The following FNDC3A variants were observed in gnomAD, a reference collection of about 807,000 sequenced individuals.
The protein encoded by FNDC3A is fibronectin type III domain containing 3A.
In FNDC3A, 32 loss-of-function variants were observed where a neutral mutation model predicts 148.9. The ratio of observed to expected loss-of-function variants is 0.21; its 90% CI spans 0.16 to 0.29. The LOEUF (loss-of-function observed/expected upper bound fraction) is 0.29, where lower values mean the gene tolerates loss of function less well. Among genes scored for constraint, FNDC3A ranks in the 10% least tolerant of loss-of-function variants. The pLI, the probability that FNDC3A is intolerant of heterozygous loss-of-function variation, is 1.00. For missense variants in FNDC3A, 1,191 were observed against 1,452.8 expected (o/e 0.82, Z 2.93); for synonymous variants, 472 against 473.6 (o/e 1.00, Z 0.04).
At chr13:49,031,096 C>T (rs1371490635) in intron 2 of FNDC3A, among the ~76,000 whole-genome samples, 2 of 152,160 alleles carry the variant, frequency 1.3e-5, no homozygotes, top group Non-Finnish European at 1.5e-5. Flanking sequence ...CATTTTAAAA[C>T]TTACTGCAGA....
intron 1 of FNDC3A, among the ~76,000 whole-genome samples, chr13:48,986,681 C>T (rs1292521148): frequency 6.6e-6 from 1 of 151,952 alleles, no homozygotes; most frequent in Admixed American, 6.6e-5. Context: ...CAGGCGTGAG[C>T]CACTGCGCCT....
intron 1 of FNDC3A, among the ~76,000 whole-genome samples, chr13:48,982,813 A>T (rs749342190): frequency 5.3e-5 from 8 of 152,288 alleles, no homozygotes; most frequent in Non-Finnish European, 1.0e-4. Flanking sequence ...GACTTCTCAT[A>T]CTGGCTGTAT....
chr13:49,088,612 C>T (rs1017620804), intron 3 of FNDC3A, among the ~76,000 whole-genome samples: 1 of 152,180 alleles, frequency 6.6e-6, no homozygotes, highest in East Asian at 1.9e-4. Flanking sequence ...GTATATTTAA[C>T]CCAGTGTATT....
rs551337704 is a variant in FNDC3A, at chr13:49,138,743, T to C, written c.761-4T>C. ...TAAATATTCAAATGTTTTATTTTTT[T>C]AAGAAAAAGATGAAGAAACTAAAGC... On this transcript the variant is annotated splice_region_variant and splice_polypyrimidine_tract_variant and intron_variant, in intron 6 of 25. Coordinates refer to ENST00000492622, the MANE Select transcript of FNDC3A (RefSeq NM_001079673.2). The C allele has an allele frequency of 5.7e-6, 8 of 1,409,614 alleles. No individual in the cohort carries two copies. The South Asian group carries it at 9.3e-5, about 16-fold the overall frequency. 87.3% of individuals were successfully genotyped at this position (1,409,614 alleles called of 1,614,324 possible).
At chr13:49,133,524 G>T (rs1189028405) in intron 5 of FNDC3A, among the ~76,000 whole-genome samples, 1 of 152,134 alleles carries the variant, frequency 6.6e-6, no homozygotes, top group African/African-American at 2.4e-5. Flanking sequence ...ATAAGCCAGA[G>T]ATTCTACCAC....
At chr13:49,069,315 A>G (rs1877486299) in intron 2 of FNDC3A, among the ~76,000 whole-genome samples, 1 of 152,146 alleles carries the variant, frequency 6.6e-6, no homozygotes, top group Non-Finnish European at 1.5e-5. Flanking sequence ...CTGTGGCACT[A>G]CCCTGCTTAA....
chr13:49,102,199 C>G (rs1879905298), intron 3 of FNDC3A, among the ~76,000 whole-genome samples: 1 of 151,516 alleles, frequency 6.6e-6, no homozygotes, highest in Non-Finnish European at 1.5e-5. Context: ...TTAATTTTCC[C>G]TTTTCTTCAA....
rs1044120591 is a variant in FNDC3A, at chr13:49,137,882, T to TA, written c.761-864dup. Among the ~76,000 whole-genome samples the TA allele has an allele frequency of 3.3e-5, 5 of 152,318 alleles. No homozygotes were observed. In the East Asian group the frequency reaches 7.7e-4, roughly 23 times the overall value. ...TGACGTAGATATGCGTATGTAGAAA[T>TA]ACATAGATATGCATGGTAGACCATG... is the stretch of plus-strand genomic sequence containing the variant. On this transcript the variant is annotated intron_variant, in intron 6 of 25. Coordinates refer to ENST00000492622, the MANE Select transcript of FNDC3A (RefSeq NM_001079673.2).
intron 2 of FNDC3A, among the ~76,000 whole-genome samples, chr13:49,043,126 T>G (rs994267505): frequency 1.1e-4 from 17 of 151,328 alleles, no homozygotes; most frequent in Non-Finnish European, 2.1e-4. Context: ...CAGCCAGTTT[T>G]TTTTTTTTTT....
intron 2 of FNDC3A, among the ~76,000 whole-genome samples, chr13:49,053,906 T>G (rs989853555): frequency 6.6e-6 from 1 of 152,194 alleles, no homozygotes; most frequent in Non-Finnish European, 1.5e-5. Context: ...GCAAAATATG[T>G]CAGAGAAACA....
intron 8 of FNDC3A, among the ~76,000 whole-genome samples, chr13:49,158,302 C>G (rs1004636532): frequency 6.6e-6 from 1 of 152,206 alleles, no homozygotes; most frequent in African/African-American, 2.4e-5. Context: ...GTCTGTCACC[C>G]CTTTCTTTGA....
intron 8 of FNDC3A, among the ~76,000 whole-genome samples, chr13:49,159,164 A>G (rs532141637): frequency 5.3e-5 from 8 of 152,152 alleles, no homozygotes; most frequent in East Asian, 1.9e-4. Flanking sequence ...AAGAAAGTCA[A>G]TGGTAGCTTG....
At chr13:49,073,719 A>G (rs1877872442) in intron 2 of FNDC3A, among the ~76,000 whole-genome samples, 1 of 146,944 alleles carries the variant, frequency 6.8e-6, no homozygotes, top group Non-Finnish European at 1.5e-5. Context: ...ATATGTGTAT[A>G]TATAATATAT....
chr13:49,059,739 G>C (rs977793066), intron 2 of FNDC3A, among the ~76,000 whole-genome samples: 1 of 152,204 alleles, frequency 6.6e-6, no homozygotes, highest in Non-Finnish European at 1.5e-5. Context: ...TTACAGGCAT[G>C]AGCCATCACA....
intron 5 of FNDC3A, among the ~76,000 whole-genome samples, 195 bp downstream of exon 5, chr13:49,131,569 A>G (rs1882038354): frequency 6.6e-6 from 1 of 152,238 alleles, no homozygotes. Context: ...AAACAGAAAA[A>G]TCAAAGAAGG....
At chr13:49,084,658 C>T (rs963867974) in intron 3 of FNDC3A, among the ~76,000 whole-genome samples, 22 of 152,058 alleles carry the variant, frequency 1.4e-4, no homozygotes, top group African/African-American at 4.6e-4. Flanking sequence ...TCATACCTCA[C>T]GCTGCTTGGG....
chr13:49,050,250 C>G (rs1220094800), intron 2 of FNDC3A, among the ~76,000 whole-genome samples: 1 of 152,124 alleles, frequency 6.6e-6, no homozygotes, highest in Non-Finnish European at 1.5e-5. Flanking sequence ...TGTTTGTACT[C>G]TTTCAGACTT....
At chr13:49,187,618 T>C (rs1885650684) in intron 16 of FNDC3A, 2 of 1,602,696 alleles carry the variant, frequency 1.2e-6, no homozygotes, top group Non-Finnish European at 1.7e-6. Context: ...CTCCTCACAG[T>C]GGCTCCTACG....
At chr13:49,164,808 G>A (rs913853457) in intron 8 of FNDC3A, among the ~76,000 whole-genome samples, 3 of 151,992 alleles carry the variant, frequency 2.0e-5, no homozygotes, top group African/African-American at 4.8e-5. Flanking sequence ...ATGGAGTTTC[G>A]CCTTGTTGGG....
Sources: allele counts gnomAD v4.1 joint callset (sites outside exome capture counted in the v4.1 genomes callset), GRCh38; gene constraint gnomAD v4.1.1; transcripts MANE v1.5; gene names NCBI Gene and HGNC (gene_info 2026-07-23, HGNC 2026-07-21).